FBXO10: variants seen among roughly 807,000 people sequenced by gnomAD.
FBXO10 encodes the protein F-box only protein 10.
Under a neutral mutation model 80.7 loss-of-function variants are expected in FBXO10, and 39 were observed. The ratio of observed to expected loss-of-function variants is 0.48; its 90% CI spans 0.37 to 0.63. FBXO10 has a LOEUF of 0.63. Ranked by LOEUF, FBXO10 falls within the 30% of genes least tolerant of loss-of-function variation. The pLI is 0.00. For missense variants in FBXO10, 1,025 were observed against 1,269.0 expected (o/e 0.81, Z 2.92); for synonymous variants, 449 against 489.6 (o/e 0.92, Z 1.09).
chr9:37,541,238 T>C lies in FBXO10; in HGVS notation c.531A>G (p.Thr177=). The change falls in exon 2 of 11, where the codon ACA becomes ACG. Residue 177 remains threonine (T), a synonymous_variant. Transcript: ENST00000432825. ...LASIDQHCST[T]RLCNLVFTPA... ...GCGTGAAGACGAGGTTGCACAGGCG[T>C]GTGGTTGAGCAGTGCTGATCAATGC... The C allele has an allele frequency of 6.2e-7, 1 of 1,613,534 alleles. No homozygotes were observed.
At position 37,542,687 on chromosome 9, in the gene FBXO10, T is replaced by G. The variant is rs73439496; in HGVS notation, c.-6-913A>C. Among the ~76,000 whole-genome samples, 1,007 of 151,544 alleles carry G rather than the reference T, an allele frequency of 6.6e-3. 18 individuals carry two copies. The highest frequency in any genetic ancestry group is 0.023 in the African/African-American group (951 of 41,242). ...CTGGTATAAGAGCCAAACAGAAAGATGACCTTTAAAAAGAGGAAGAAAACA... is the reference window on the plus strand; with the variant it reads ...CTGGTATAAGAGCCAAACAGAAAGAGGACCTTTAAAAAGAGGAAGAAAACA... On this transcript the variant is annotated intron_variant, in intron 1 of 10. Coordinates refer to ENST00000432825, the MANE Select transcript of FBXO10 (RefSeq NM_012166.3).
chr9:37,567,776 C>T (rs1050858125), intron 1 of FBXO10, among the ~76,000 whole-genome samples: 6 of 150,512 alleles, frequency 4.0e-5, no homozygotes, highest in Admixed American at 6.6e-5. Flanking sequence ...GTGATCTGTC[C>T]GCCTCGGCCT....
chr9:37,555,948 C>G (rs1456062956), intron 1 of FBXO10, among the ~76,000 whole-genome samples: 5 of 152,090 alleles, frequency 3.3e-5, no homozygotes, highest in Non-Finnish European at 5.9e-5. Flanking sequence ...TGTCTAAAAG[C>G]TTTGTGGTTT....
At chr9:37,524,070 T>C (rs986302799) in intron 6 of FBXO10, among the ~76,000 whole-genome samples, 1 of 152,318 alleles carries the variant, frequency 6.6e-6, no homozygotes, top group Non-Finnish European at 1.5e-5. Flanking sequence ...ATGTCCCCAC[T>C]GCAGGCCCCT....
chr9:37,512,752 T>G, intron 10 of FBXO10, 31 bp from the exon 11 acceptor site: 1 of 1,601,946 alleles, frequency 6.2e-7, no homozygotes, highest in Non-Finnish European at 8.5e-7. Flanking sequence ...TCAGTGAACT[T>G]CTGAGGGGTG....
At chr9:37,552,465 C>A (rs748361720) in intron 1 of FBXO10, among the ~76,000 whole-genome samples, 3 of 151,994 alleles carry the variant, frequency 2.0e-5, no homozygotes, top group African/African-American at 7.2e-5. Flanking sequence ...AGGAGGATCA[C>A]GAGGTCAGGA....
At chr9:37,531,147 A>G (rs1821611039) in intron 4 of FBXO10, among the ~76,000 whole-genome samples, 1 of 152,128 alleles carries the variant, frequency 6.6e-6, no homozygotes, top group Admixed American at 6.6e-5. Flanking sequence ...TGACAAGTAA[A>G]TATCTATGAA....
chr9:37,520,731 G>C (rs1821320130), intron 8 of FBXO10, among the ~76,000 whole-genome samples: 1 of 152,070 alleles, frequency 6.6e-6, no homozygotes, highest in Non-Finnish European at 1.5e-5. Flanking sequence ...CTCTAAGAAG[G>C]AAAACTCACT....
chr9:37,521,505 G>A (rs925468530), intron 8 of FBXO10, 64 bp downstream of exon 8: 52 of 1,383,208 alleles, frequency 3.8e-5, no homozygotes, highest in Admixed American at 5.9e-5. Flanking sequence ...TTAAATTGGA[G>A]AAAAAAAAAG....
At chr9:37,550,385 G>A (rs528988558) in intron 1 of FBXO10, among the ~76,000 whole-genome samples, 21 of 150,874 alleles carry the variant, frequency 1.4e-4, no homozygotes, top group Admixed American at 5.3e-4. Flanking sequence ...GGGTTTCATC[G>A]TGTTGGCCAG....
At chr9:37,572,308 C>T (rs551579081) in intron 1 of FBXO10, among the ~76,000 whole-genome samples, 16 of 152,136 alleles carry the variant, frequency 1.1e-4, no homozygotes, top group East Asian at 3.9e-4. Flanking sequence ...GTAAACTGTT[C>T]GACACTATCT....
chr9:37,535,090 G>A (rs958178721), intron 3 of FBXO10, among the ~76,000 whole-genome samples: 8 of 152,142 alleles, frequency 5.3e-5, no homozygotes, highest in South Asian at 2.1e-4. Context: ...GATCTGAAGC[G>A]GAGAAAACTA....
In FBXO10 at chr9:37,515,740, C is replaced by T. The variant is rs1821164742; in HGVS notation, c.2696+164G>A. ...GTTCCCTCCTGGGGAGTCCTCAGCC[C>T]GGGCCTGACATAGAGCCAGGCACAG... On this transcript the variant is annotated intron_variant, in intron 10 of 10. Transcript: ENST00000432825. 8 of 707,690 alleles carry T rather than the reference C, an allele frequency of 1.1e-5. No homozygotes were observed. In the Middle Eastern group the frequency reaches 1.0e-3, roughly 92 times the overall value. The allele number at this position is 707,690 out of a possible 1,614,324, so 43.8% of individuals were successfully genotyped here. A position where few individuals can be genotyped will look rare whatever the true frequency, so the allele number is the denominator to read the frequency against.
Position 37,511,720 on chromosome 9 carries a change from C to A in FBXO10, c.*827G>T, listed in dbSNP as rs151195878. 1.2e-3 allele frequency: 177 copies of A among 152,888 alleles called. No individual in the cohort carries two copies. Among genetic ancestry groups the A allele is most frequent in the Non-Finnish European group, 4.8e-4 (33 of 68,236 alleles). 9.5% of individuals were successfully genotyped at this position (152,888 alleles called of 1,614,324 possible). The stretch of plus-strand genomic sequence containing the variant: ...GCTTGGGAGGGTCAGTAAAGACCAG[C>A]GCTCATCCATGAGAACACAGATGCG... On this transcript the variant is annotated 3_prime_UTR_variant, in exon 11 of 11. Transcript: ENST00000432825.
At chr9:37,571,620 C>T (rs961734331) in intron 1 of FBXO10, among the ~76,000 whole-genome samples, 6 of 149,958 alleles carry the variant, frequency 4.0e-5, no homozygotes, top group African/African-American at 1.2e-4. Context: ...AGGGCTTCTC[C>T]CACAGTCTCA....
chr9:37,532,169 C>A, intron 3 of FBXO10, 111 bp from the exon 4 acceptor site: 1 of 1,241,852 alleles, frequency 8.1e-7, no homozygotes, highest in Non-Finnish European at 1.1e-6. Flanking sequence ...CAGTTTACCC[C>A]GTAGGCAAGA....
At chr9:37,546,380 C>A (rs1024785460) in intron 1 of FBXO10, among the ~76,000 whole-genome samples, 2 of 152,024 alleles carry the variant, frequency 1.3e-5, no homozygotes, top group African/African-American at 4.8e-5. Context: ...GGAGGAGGGG[C>A]AGTTCCTAGG....
chr9:37,520,522 C>A (rs112853008), intron 8 of FBXO10, among the ~76,000 whole-genome samples: 1 of 83,416 alleles, frequency 1.2e-5, no homozygotes, highest in Non-Finnish European at 2.2e-5. Context: ...CCTTCTTCTT[C>A]TTTTTTTTTT....
At chr9:37,520,000 AT>A (rs891999769) in intron 8 of FBXO10, among the ~76,000 whole-genome samples, 113 of 150,742 alleles carry the variant, frequency 7.5e-4, no homozygotes, top group Non-Finnish European at 1.3e-3. Context: ...TCTGAAAAAA[AT>A]TTTTTTTTTC....
Sources: allele counts gnomAD v4.1 joint callset (sites outside exome capture counted in the v4.1 genomes callset), GRCh38; gene constraint gnomAD v4.1.1; transcripts MANE v1.5; gene names NCBI Gene and HGNC (gene_info 2026-07-23, HGNC 2026-07-21).